The following ZC2HC1A variants were observed in gnomAD, a reference collection of about 807,000 sequenced individuals.
The protein encoded by ZC2HC1A is zinc finger C2HC domain-containing protein 1A.
In ZC2HC1A, 28 loss-of-function variants were observed where a neutral mutation model predicts 40.7. That is an observed-to-expected ratio of 0.69 (90% CI 0.51 to 0.94). The LOEUF (loss-of-function observed/expected upper bound fraction) is 0.94, where lower values mean the gene tolerates loss of function less well. ZC2HC1A is among the 40% of genes least tolerant of loss of function. ZC2HC1A has a pLI of 0.00. For synonymous variants in ZC2HC1A, 129 were observed against 129.2 expected (o/e 1.00, Z 0.01); for missense variants, 389 against 386.3 (o/e 1.01, Z -0.06).
intron 7 of ZC2HC1A, among the ~76,000 whole-genome samples, chr8:78,704,387 C>CAA (rs1307275741): frequency 0.079 from 5,167 of 65,088 alleles, 170 homozygotes; most frequent in Middle Eastern, 0.13. Flanking sequence ...GACTCCATCT[C>CAA]AAAAAAAAAA....
chr8:78,708,509 C>T (rs1453718821), intron 7 of ZC2HC1A, among the ~76,000 whole-genome samples: 1 of 151,526 alleles, frequency 6.6e-6, no homozygotes, highest in East Asian at 1.9e-4. Flanking sequence ...AAGAACTCGT[C>T]TCCATTAAAA....
At chr8:78,709,515 G>A (rs1199788555) in intron 7 of ZC2HC1A, among the ~76,000 whole-genome samples, 2 of 152,050 alleles carry the variant, frequency 1.3e-5, no homozygotes, top group Non-Finnish European at 2.9e-5. Context: ...TTTTGGATAG[G>A]GAGCTAACTT....
At chr8:78,673,453 ATGGTATTTC>A (rs2130421393) in intron 1 of ZC2HC1A, among the ~76,000 whole-genome samples, 1 of 152,266 alleles carries the variant, frequency 6.6e-6, no homozygotes, top group South Asian at 2.1e-4. Flanking sequence ...GCTGGGTCAA[ATGGTATTTC>A]TGGTTCTAGA....
In ZC2HC1A at chr8:78,697,409, T is replaced by C. The variant is rs1180282716; in HGVS notation, c.507T>C (p.Tyr169=). 1.3e-6 allele frequency: 2 copies of C among 1,592,478 alleles called. No homozygotes were observed. The highest frequency in any genetic ancestry group is 1.2e-5 in the South Asian group (1 of 86,952). ...KGKPTSRTQV[Y]KPPALKKSNS... Reference sequence around the variant, plus strand: ...ATATTTTTTTTCCATTATTTTAGTATAAGCCACCCGCACTTAAAAAGTCAA... The same window carrying C: ...ATATTTTTTTTCCATTATTTTAGTACAAGCCACCCGCACTTAAAAAGTCAA... The change falls in exon 6 of 9, where the codon TAT becomes TAC. Residue 169 remains tyrosine, a splice_region_variant and synonymous_variant. Transcript: ENST00000263849.
intron 7 of ZC2HC1A, among the ~76,000 whole-genome samples, chr8:78,711,565 G>A (rs1248592678): frequency 2.0e-5 from 3 of 151,704 alleles, no homozygotes; most frequent in African/African-American, 7.3e-5. Context: ...CCTTATTTTT[G>A]GAATTTTAAA....
intron 7 of ZC2HC1A, among the ~76,000 whole-genome samples, chr8:78,702,823 A>C (rs1337281130): frequency 6.6e-6 from 1 of 152,040 alleles, no homozygotes; most frequent in African/African-American, 2.4e-5. Context: ...GGTTTGAGAG[A>C]ATATTTGTTA....
chr8:78,669,998 G>A (rs750588597), intron 1 of ZC2HC1A, among the ~76,000 whole-genome samples: 119 of 121,880 alleles, frequency 9.8e-4, no homozygotes, highest in Non-Finnish European at 1.6e-3. Context: ...ACGGAGTTTC[G>A]CTTTTGTTGC....
At chr8:78,686,680 C>T in intron 4 of ZC2HC1A, 72 bp downstream of exon 4, 7 of 1,351,728 alleles carry the variant, frequency 5.2e-6, no homozygotes, top group Non-Finnish European at 6.7e-6. Flanking sequence ...TAAATTTTCA[C>T]TTGTTAAGCT....
At chr8:78,716,264 A>G (rs868714575) in intron 8 of ZC2HC1A, among the ~76,000 whole-genome samples, 58 of 151,406 alleles carry the variant, frequency 3.8e-4, no homozygotes, top group African/African-American at 1.4e-3. Context: ...CTGGGACTAC[A>G]GGCGCCCGCC....
At position 78,717,405 on chromosome 8, in the gene ZC2HC1A, CA is replaced by C; in HGVS notation, c.894del (p.Lys298AsnfsTer12). On this transcript the variant is annotated frameshift_variant, in exon 9 of 9. Coordinates refer to ENST00000263849, the MANE Select transcript of ZC2HC1A (RefSeq NM_016010.3). LOFTEE classifies it high-confidence loss of function. ...GAAGGACATTCACCTGGAAACTTAC[CA>C]AAATTCTGCCATGAGTGTGGGACTA... is the stretch of plus-strand genomic sequence containing the variant. ...GIEGHSPGNL[P>X]KFCHECGTKY... The C allele has an allele frequency of 1.2e-6, 2 of 1,612,020 alleles. No individual in the cohort carries two copies. The highest frequency in any genetic ancestry group is 2.2e-5 in the South Asian group (2 of 90,934).
Position 78,718,680 on chromosome 8 carries a change from T to C in ZC2HC1A, c.*1187T>C, listed in dbSNP as rs568151275. On this transcript the variant is annotated 3_prime_UTR_variant, in exon 9 of 9. Transcript: ENST00000263849. ...TTACCTAATTAAACATACACACAAA[T>C]TTAATTATTTTTTTCTCTTTAACCT... 1.3e-5 allele frequency: 2 copies of C among 151,968 alleles called. No homozygotes were observed. The highest frequency in any genetic ancestry group is 1.3e-4 in the Admixed American group (2 of 15,280). The allele number at this position is 151,968 out of a possible 1,614,324, so 9.4% of individuals were successfully genotyped here. A position where few individuals can be genotyped will look rare whatever the true frequency, so the allele number is the denominator to read the frequency against.
chr8:78,689,188 G>A, intron 4 of ZC2HC1A, 34 bp from the exon 5 acceptor site: 2 of 1,391,334 alleles, frequency 1.4e-6, no homozygotes, highest in South Asian at 1.8e-5. Context: ...CAAGTACTAT[G>A]CTATTAATCT....
intron 3 of ZC2HC1A, 41 bp from the exon 4 acceptor site, chr8:78,686,424 ACT>A (rs1491133723): frequency 7.6e-6 from 9 of 1,182,828 alleles, no homozygotes; most frequent in African/African-American, 1.9e-5. Context: ...CTAAAAAGAT[ACT>A]GTTTGTTTAT....
At position 78,677,406 on chromosome 8, in the gene ZC2HC1A, C is replaced by T. The variant is rs186980756; in HGVS notation, c.94-1157C>T. Among the ~76,000 whole-genome samples, 15 of 151,850 alleles carry T rather than the reference C, an allele frequency of 9.9e-5. 1 individual carries two copies. Among genetic ancestry groups the T allele is most frequent in the Admixed American group, 9.8e-4 (15 of 15,232 alleles). On this transcript the variant is annotated intron_variant, in intron 2 of 8. Transcript: ENST00000263849. ...AACACTAGATAAGCTCAAGAAAAAT[C>T]TTAGGCGAAGAAAACTGCAAAGTTT... is the stretch of plus-strand genomic sequence containing the variant.
chr8:78,680,713 T>G (rs550427390), intron 3 of ZC2HC1A, among the ~76,000 whole-genome samples: 39 of 152,238 alleles, frequency 2.6e-4, no homozygotes, highest in Non-Finnish European at 5.0e-4. Context: ...CCAGGAGAAA[T>G]TACCCGTAAG....
rs753704751 is a variant in ZC2HC1A, at chr8:78,675,852, C to G, written c.82C>G (p.Pro28Ala). ...PCKICGRTFF[P>A]VALKKHGPIC... ...CAAGATTTGTGGAAGAACATTCTTT[C>G]CAGTAGCATTAGTGAGTAGACTGAT... The change falls in exon 2 of 9, where the codon CCA becomes GCA. Residue 28 changes from proline (P) to alanine (A), a missense_variant. Pro to Ala is a conservative substitution (Grantham distance 27). Transcript: ENST00000263849. The G allele has an allele frequency of 3.0e-5, 48 of 1,610,790 alleles. No homozygotes were observed. The highest frequency in any genetic ancestry group is 4.1e-5 in the Non-Finnish European group (48 of 1,177,918).
intron 4 of ZC2HC1A, among the ~76,000 whole-genome samples, chr8:78,687,774 AT>A (rs1563626992): frequency 1.5e-5 from 2 of 129,472 alleles, no homozygotes; most frequent in Non-Finnish European, 3.1e-5. Flanking sequence ...AAGACATTAT[AT>A]ATATATTTAC....
Position 78,715,232 on chromosome 8 carries a change from A to T in ZC2HC1A, c.716A>T (p.Lys239Ile), listed in dbSNP as rs1454058399. 1 of 1,613,544 alleles carries T rather than the reference A, an allele frequency of 6.2e-7. No individual in the cohort carries two copies. Among genetic ancestry groups the T allele is most frequent in the African/African-American group, 1.3e-5 (1 of 74,892 alleles). ...CCTCTTTTTTATAGAGCTAATGTCA[A>T]ACCCCGAAATTCCACACCACCTAGT... is the stretch of plus-strand genomic sequence containing the variant. ...IAAPHAGANV[K>I]PRNSTPPSLA... The change falls in exon 8 of 9, where the codon AAA becomes ATA. Residue 239 changes from lysine to isoleucine, a missense_variant. Lys to Ile is a moderately radical substitution (Grantham distance 102, BLOSUM62 -3). Transcript: ENST00000263849.
At chr8:78,678,016 C>A (rs148209223) in intron 2 of ZC2HC1A, among the ~76,000 whole-genome samples, 1 of 152,038 alleles carries the variant, frequency 6.6e-6, no homozygotes, top group African/African-American at 2.4e-5. Context: ...ACTGTCATGG[C>A]GCTGGTGGGA....
Sources: gnomAD v4.1 joint callset for allele counts (sites outside exome capture counted in the v4.1 genomes callset) on GRCh38, gnomAD v4.1.1 for gene constraint, MANE v1.5 for transcripts, NCBI Gene and HGNC (gene_info 2026-07-23, HGNC 2026-07-21) for gene names.